Variants in NLRP13 observed in about 807,000 individuals in gnomAD.
NLRP13 encodes NACHT, LRR and PYD domains-containing protein 13.
Under a neutral mutation model 94.4 loss-of-function variants are expected in NLRP13, and 82 were observed. That is an observed-to-expected ratio of 0.87 (90% CI 0.73 to 1.04). The LOEUF is 1.04. Ranked by LOEUF, NLRP13 falls within the 50% of genes least tolerant of loss-of-function variation. The pLI, the probability that NLRP13 is intolerant of heterozygous loss-of-function variation, is 0.00. For synonymous variants in NLRP13, 553 were observed against 464.7 expected (o/e 1.19, Z -2.45); for missense variants, 1,426 against 1,230.8 (o/e 1.16, Z -2.37).
chr19:55,893,280 C>G (rs143034846), downstream of NLRP13, among the ~76,000 whole-genome samples: 2 of 151,744 alleles, frequency 1.3e-5, no homozygotes, highest in East Asian at 1.9e-4. Flanking sequence ...CCAGGCTACT[C>G]GGGAGGCTGA....
intron 4 of NLRP13, among the ~76,000 whole-genome samples, chr19:55,915,978 A>G (rs303993): frequency 0.77 from 116,775 of 152,178 alleles, 45,792 homozygotes; most frequent in East Asian, 0.94. Context: ...AAAAGCTGCT[A>G]ACACAAGTAA....
chr19:55,904,022 C>T (rs1986265786), intron 8 of NLRP13, among the ~76,000 whole-genome samples: 1 of 152,182 alleles, frequency 6.6e-6, no homozygotes, highest in Admixed American at 6.5e-5. Context: ...CAGGCACTGC[C>T]ATCTCCTACC....
At chr19:55,923,858 G>T in intron 4 of NLRP13, 56 bp downstream of exon 4, 2 of 1,322,040 alleles carry the variant, frequency 1.5e-6, no homozygotes, top group Non-Finnish European at 2.2e-6. Flanking sequence ...TGGACCTAGT[G>T]AAACCAATGC....
rs771663460 is a variant in NLRP13 at position 55,913,376 on chromosome 19, A to G, written c.524-83T>C. ...ATTCAGTTACAAAGTTCCTACCCCA[A>G]AGACTTGAATAAGAGAAACTCTGCC... On this transcript the variant is annotated intron_variant, in intron 4 of 10. Coordinates refer to ENST00000342929, the MANE Select transcript of NLRP13 (RefSeq NM_176810.2). 128 of 1,417,900 alleles carry G rather than the reference A, an allele frequency of 9.0e-5. 1 individual carries two copies. Among genetic ancestry groups the G allele is most frequent in the Admixed American group, 4.2e-4 (20 of 47,692 alleles). 87.8% of individuals were successfully genotyped at this position (1,417,900 alleles called of 1,614,324 possible).
chr19:55,910,381 G>A (rs1416443952), intron 6 of NLRP13, among the ~76,000 whole-genome samples, 182 bp downstream of exon 6: 2 of 152,164 alleles, frequency 1.3e-5, no homozygotes, highest in African/African-American at 4.8e-5. Flanking sequence ...TGATAGATCG[G>A]CATTTTAAAA....
chr19:55,928,549 C>T (rs948427425), intron 1 of NLRP13, among the ~76,000 whole-genome samples: 1 of 152,156 alleles, frequency 6.6e-6, no homozygotes, highest in Non-Finnish European at 1.5e-5. Flanking sequence ...AATATAGACA[C>T]CTACTATGTA....
At chr19:55,892,014 T>C (rs1985864292), downstream of NLRP13, 1 of 1,026,902 alleles carries the variant, frequency 9.7e-7, no homozygotes, top group Non-Finnish European at 1.2e-6. Context: ...CCACCACCAC[T>C]TGTCTTCAAG....
intron 1 of NLRP13, among the ~76,000 whole-genome samples, chr19:55,928,186 G>A (rs1372249401): frequency 6.6e-6 from 1 of 152,156 alleles, no homozygotes; most frequent in African/African-American, 2.4e-5. Context: ...CAAGGACCAG[G>A]GAAACGGGGC....
At chr19:55,924,470 G>C (rs961470685) in intron 3 of NLRP13, 120 bp downstream of exon 3, 3 of 721,076 alleles carry the variant, frequency 4.2e-6, no homozygotes, top group Admixed American at 2.4e-5. Flanking sequence ...GATGGAAAGA[G>C]TTTTTAATTT....
rs922132960 is a variant in NLRP13 at position 55,910,689 on chromosome 19, C to A, written c.2156G>T (p.Cys719Phe). The A allele has an allele frequency of 5.0e-6, 8 of 1,613,366 alleles. No homozygotes were observed. Among genetic ancestry groups the A allele is most frequent in the African/African-American group, 1.3e-5 (1 of 74,922 alleles). Residue 719 changes from cysteine (C) to phenylalanine (F), a missense_variant, in exon 6 of 11, where the codon TGC becomes TTC. Transcript: ENST00000342929. ...ATTCTCATTTGTGACCAACGTAGAG[C>A]AAATGCTGTTCCATGCGTGCATCCT... ...DSRMHAWNSI[C>F]STLVTNENLH...
intron 7 of NLRP13, among the ~76,000 whole-genome samples, chr19:55,906,725 C>T (rs538629560): frequency 6.8e-6 from 1 of 146,118 alleles, no homozygotes; most frequent in South Asian, 2.2e-4. Context: ...CAGACCGTTA[C>T]TCTTTGAAAG....
chr19:55,910,526 AG>A (rs1986476125), intron 6 of NLRP13, 36 bp downstream of exon 6: 3 of 1,524,726 alleles, frequency 2.0e-6, no homozygotes, highest in African/African-American at 1.4e-5. Context: ...AGATTCTCCT[AG>A]GGTATCTTCT....
At chr19:55,929,629 TG>T (rs1158275978) in intron 1 of NLRP13, among the ~76,000 whole-genome samples, 2 of 151,662 alleles carry the variant, frequency 1.3e-5, no homozygotes, top group Admixed American at 6.6e-5. Context: ...TGTCAGTGGG[TG>T]GGGGGCTAGG....
intron 8 of NLRP13, among the ~76,000 whole-genome samples, chr19:55,903,462 A>G (rs1041768416): frequency 6.6e-6 from 1 of 152,132 alleles, no homozygotes; most frequent in South Asian, 2.1e-4. Flanking sequence ...CGATGCAGCT[A>G]GAGAAGAGGA....
rs1986393301 is a variant in NLRP13, at chr19:55,907,728, G to A, written c.2447+64C>T. 4.6e-6 allele frequency: 7 copies of A among 1,512,888 alleles called. No homozygotes were observed. In the Admixed American group the frequency reaches 8.8e-5, roughly 19 times the overall value. The allele number at this position is 1,512,888 out of a possible 1,614,324, so 93.7% of individuals were successfully genotyped here. On this transcript the variant is annotated intron_variant, in intron 7 of 10. Transcript: ENST00000342929. ...CTGAGTGCTGTCAGCCCTCCCAGTG[G>A]ATCGTGGAAGCTACTGGTGGTCTTG...
Position 55,912,114 on chromosome 19 carries a change from A to G in NLRP13, c.1703T>C (p.Met568Thr). ...PHSTKPQEMK[M>T]LLQHVLLDKE... ...GTCAAGCAAGACGTGTTGCAGTAACATCTTCATCTCTTGTGGCTTTGTGGA... is the reference window on the plus strand; with the variant it reads ...GTCAAGCAAGACGTGTTGCAGTAACGTCTTCATCTCTTGTGGCTTTGTGGA... The change falls in exon 5 of 11, where the codon ATG becomes ACG. Residue 568 changes from methionine (M) to threonine (T), a missense_variant. Coordinates refer to ENST00000342929, the MANE Select transcript of NLRP13 (RefSeq NM_176810.2). 1.2e-6 allele frequency: 2 copies of G among 1,614,212 alleles called. No homozygotes were observed. The highest frequency in any genetic ancestry group is 1.7e-6 in the Non-Finnish European group (2 of 1,180,036).
chr19:55,926,491 G>C (rs1009188971), intron 1 of NLRP13, among the ~76,000 whole-genome samples: 5 of 152,206 alleles, frequency 3.3e-5, no homozygotes, highest in South Asian at 2.1e-4. Context: ...ACTTATCTGA[G>C]TATGTTTTAA....
At chr19:55,916,424 G>GA (rs1986676221) in intron 4 of NLRP13, among the ~76,000 whole-genome samples, 1 of 152,096 alleles carries the variant, frequency 6.6e-6, no homozygotes, top group Non-Finnish European at 1.5e-5. Flanking sequence ...TGATTTTAAA[G>GA]AAGCTCAGTG....
rs372707725 is a variant in NLRP13, at chr19:55,913,072, T to C, written c.745A>G (p.Met249Val). 2.8e-5 allele frequency: 45 copies of C among 1,614,062 alleles called. No individual in the cohort carries two copies. The highest frequency in any genetic ancestry group is 3.7e-5 in the Non-Finnish European group (44 of 1,180,042). ...VGKTTLAMQA[M>V]LHWANGVLFQ... ...AGAACTCCATTTGCCCAGTGCAGCATAGCCTGCATTGCCAAGGTGGTCTTC... is the reference window on the plus strand; with the variant it reads ...AGAACTCCATTTGCCCAGTGCAGCACAGCCTGCATTGCCAAGGTGGTCTTC... Residue 249 changes from methionine (M) to valine (V), a missense_variant, in exon 5 of 11, where the codon ATG becomes GTG. By Grantham distance (21) the Met-to-Val change is conservative. Coordinates refer to ENST00000342929, the MANE Select transcript of NLRP13 (RefSeq NM_176810.2).
Sources: allele counts gnomAD v4.1 joint callset (sites outside exome capture counted in the v4.1 genomes callset), GRCh38; gene constraint gnomAD v4.1.1; transcripts MANE v1.5; gene names NCBI Gene and HGNC (gene_info 2026-07-23, HGNC 2026-07-21).